PPP2R3A: variants seen among roughly 807,000 people sequenced by gnomAD.
PPP2R3A encodes the protein serine/threonine-protein phosphatase 2A regulatory subunit B'' subunit alpha.
In PPP2R3A, 80 loss-of-function variants were observed where a neutral mutation model predicts 106.9. That is an observed-to-expected ratio of 0.75 (90% confidence interval 0.62 to 0.90). The LOEUF is 0.90. PPP2R3A is among the 40% of genes least tolerant of loss of function. The pLI is 0.00. For missense variants in PPP2R3A, 1,386 were observed against 1,350.4 expected, an observed-to-expected ratio of 1.03 and a Z score of -0.41; for synonymous variants, 483 against 468.3, an observed-to-expected ratio of 1.03 and a Z score of -0.41.
chr3:136,134,061 TATTC>T (rs1938519125), intron 13 of PPP2R3A, among the ~76,000 whole-genome samples: 1 of 152,152 alleles, frequency 6.6e-6, no homozygotes, highest in African/African-American at 2.4e-5. Flanking sequence ...TTAAGGATAA[TATTC>T]AATAAATGTT....
At chr3:135,965,939 G>A (rs1186940566) in intron 1 of PPP2R3A, 90 bp downstream of exon 1, 1 of 153,266 alleles carries the variant, frequency 6.5e-6, no homozygotes, top group Admixed American at 6.6e-5. Context: ...GCGGCGCGCG[G>A]AGGCCGGGGC....
intron 1 of PPP2R3A, among the ~76,000 whole-genome samples, chr3:135,979,940 A>T (rs1937516162): frequency 1.3e-5 from 2 of 151,874 alleles, no homozygotes; most frequent in Admixed American, 6.5e-5. Context: ...TGTAAGTAAA[A>T]TATTGTTTAT....
At chr3:135,980,770 G>A (rs1035223530) in intron 1 of PPP2R3A, among the ~76,000 whole-genome samples, 3 of 151,930 alleles carry the variant, frequency 2.0e-5, no homozygotes, top group Admixed American at 2.0e-4. Flanking sequence ...TGATTTCCAT[G>A]AAGTTCCACT....
chr3:136,080,603 A>G (rs1936752053), intron 7 of PPP2R3A, among the ~76,000 whole-genome samples: 2 of 152,240 alleles, frequency 1.3e-5, no homozygotes, highest in African/African-American at 4.8e-5. Context: ...ATTTTATAAA[A>G]CAAAGTAATA....
intron 4 of PPP2R3A, among the ~76,000 whole-genome samples, chr3:136,043,346 C>G (rs1252165955): frequency 6.6e-6 from 1 of 152,114 alleles, no homozygotes; most frequent in East Asian, 1.9e-4. Flanking sequence ...GTAGTCCCAG[C>G]TACTCAGGAG....
chr3:135,979,087 A>G (rs903354576), intron 1 of PPP2R3A, among the ~76,000 whole-genome samples: 1 of 151,836 alleles, frequency 6.6e-6, no homozygotes, highest in Non-Finnish European at 1.5e-5. Context: ...TACTTTTAAA[A>G]TATTTATTTG....
rs201405238 is a variant in PPP2R3A, at chr3:136,090,654, A to G, written c.2914A>G (p.Arg972Gly). ...GTTTTTGATCTCTGAAGAAGACAAAAGGAATCCTACCAGGTATGATTTCTA... is the reference window on the plus strand; with the variant it reads ...GTTTTTGATCTCTGAAGAAGACAAAGGGAATCCTACCAGGTATGATTTCTA... Reference protein sequence around the residue: ...VWFLISEEDKRNPTSIEYWFR... With the variant: ...VWFLISEEDKGNPTSIEYWFR... The change falls in exon 10 of 14, where the codon AGG becomes GGG. Residue 972 changes from arginine (R) to glycine (G), a missense_variant. Coordinates refer to ENST00000264977, the MANE Select transcript of PPP2R3A (RefSeq NM_002718.5). The G allele has an allele frequency of 6.2e-7, 1 of 1,612,142 alleles. No individual in the cohort carries two copies. The highest frequency in any genetic ancestry group is 2.2e-5 in the East Asian group (1 of 44,822).
chr3:136,052,001 TA>T (rs1211132382), intron 5 of PPP2R3A, among the ~76,000 whole-genome samples: 1 of 151,938 alleles, frequency 6.6e-6, no homozygotes, highest in Non-Finnish European at 1.5e-5. Context: ...TTTGTTCCCC[TA>T]AAAAAAATAC....
Position 136,003,466 on chromosome 3 carries a change from G to T in PPP2R3A, c.1968G>T (p.Leu656Phe). ...DKAKDTTSAV[L>F]IQQTPEVIKI... ...CCAAAGATACTACTTCAGCAGTTTT[G>T]ATTCAGCAGACTCCAGAGGTGATCA... Residue 656 changes from leucine to phenylalanine, a missense_variant, in exon 2 of 14, where the codon TTG becomes TTT. By Grantham distance (22) the Leu-to-Phe change is conservative. Coordinates refer to ENST00000264977, the MANE Select transcript of PPP2R3A (RefSeq NM_002718.5). 1 of 1,612,102 alleles carries T rather than the reference G, an allele frequency of 6.2e-7. No individual in the cohort carries two copies. The highest frequency in any genetic ancestry group is 8.5e-7 in the Non-Finnish European group (1 of 1,179,212).
At chr3:136,133,055 T>C (rs755202342) in intron 13 of PPP2R3A, among the ~76,000 whole-genome samples, 20 of 152,126 alleles carry the variant, frequency 1.3e-4, no homozygotes, top group Non-Finnish European at 2.1e-4. Context: ...AAAGGAATCA[T>C]AGAACTAACT....
At chr3:136,053,502 C>T (rs1409567725) in intron 5 of PPP2R3A, among the ~76,000 whole-genome samples, 1 of 152,168 alleles carries the variant, frequency 6.6e-6, no homozygotes, top group Non-Finnish European at 1.5e-5. Context: ...TCAGGACTGA[C>T]TGACCCAATG....
chr3:136,026,021 G>A (rs568102439), intron 2 of PPP2R3A, among the ~76,000 whole-genome samples: 4 of 151,992 alleles, frequency 2.6e-5, no homozygotes, highest in South Asian at 4.2e-4. Flanking sequence ...TAATTTCCTC[G>A]TTGCCTCCCT....
At position 136,145,577 on chromosome 3, in the gene PPP2R3A, G is replaced by C. The variant is rs1419029020; in HGVS notation, c.*411G>C. 6.5e-6 allele frequency: 1 copy of C among 153,014 alleles called. No individual in the cohort carries two copies. Among genetic ancestry groups the C allele is most frequent in the African/African-American group, 2.4e-5 (1 of 41,446 alleles). The allele number at this position is 153,014 out of a possible 1,614,324, so 9.5% of individuals were successfully genotyped here. On this transcript the variant is annotated 3_prime_UTR_variant, in exon 14 of 14. Transcript: ENST00000264977. ...CTTCACTTGCAGAAAACTTGAGTCA[G>C]AAAATTCTGGAACTTGAAAAAGTAG...
intron 6 of PPP2R3A, among the ~76,000 whole-genome samples, chr3:136,072,999 A>T (rs1236932473): frequency 1.3e-5 from 2 of 151,580 alleles, no homozygotes; most frequent in Admixed American, 1.3e-4. Context: ...ACGGAGTCTC[A>T]CTCTGTCACT....
chr3:136,085,467 A>G (rs1266408296), intron 8 of PPP2R3A, among the ~76,000 whole-genome samples: 1 of 152,074 alleles, frequency 6.6e-6, no homozygotes, highest in Non-Finnish European at 1.5e-5. Context: ...ACTAATACAG[A>G]TGGGGTTTCG....
rs144826801 is a variant in PPP2R3A at position 136,049,331 on chromosome 3, A to G, written c.2439A>G (p.Leu813=). 155 of 1,613,170 alleles carry G rather than the reference A, an allele frequency of 9.6e-5. No individual in the cohort carries two copies. The highest frequency in any genetic ancestry group is 1.2e-4 in the Non-Finnish European group (140 of 1,179,498). ...TAGCAAAGCCCAACTGCAGCTCTCT[A>G]GAACAGGAGGATTTCATCCCTCTAC... ...CLLAKPNCSS[L]EQEDFIPLLQ... Residue 813 remains leucine (L), a synonymous_variant, in exon 5 of 14, where the codon CTA becomes CTG. Transcript: ENST00000264977.
intron 3 of PPP2R3A, 74 bp downstream of exon 3, chr3:136,027,172 C>T: frequency 2.2e-6 from 3 of 1,338,268 alleles, no homozygotes; most frequent in Non-Finnish European, 3.0e-6. Context: ...CTCTAGAAAC[C>T]CGGATCCCAC....
At chr3:136,124,456 C>A (rs553353977) in intron 13 of PPP2R3A, among the ~76,000 whole-genome samples, 1 of 152,174 alleles carries the variant, frequency 6.6e-6, no homozygotes, top group Non-Finnish European at 1.5e-5. Flanking sequence ...TGCACTCCAG[C>A]CCAAGTGACA....
chr3:136,054,299 G>A lies in PPP2R3A; in HGVS notation c.2469+4938G>A, dbSNP rs193165091. Among the ~76,000 whole-genome samples the A allele has an allele frequency of 8.8e-3, 1,065 of 121,024 alleles. 22 individuals are homozygous for A. Among genetic ancestry groups the A allele is most frequent in the Admixed American group, 0.062 (583 of 9,452 alleles). The allele number at this position is 121,024 out of a possible 152,430, so 79.4% of individuals were successfully genotyped here. ...TTTTGAGTTGGAGGCTCGCCCTGTC[G>A]CCAGGCTGGAGTGCAGTGGCACGAT... On this transcript the variant is annotated intron_variant, in intron 5 of 13. Coordinates refer to ENST00000264977, the MANE Select transcript of PPP2R3A (RefSeq NM_002718.5).
Sources: allele counts gnomAD v4.1 joint callset (sites outside exome capture counted in the v4.1 genomes callset), GRCh38; gene constraint gnomAD v4.1.1; transcripts MANE v1.5; gene names NCBI Gene and HGNC (gene_info 2026-07-23, HGNC 2026-07-21).